Variants in RP1 observed in about 807,000 individuals in gnomAD.
RP1 encodes the protein oxygen-regulated protein 1.
Under a neutral mutation model 14.8 loss-of-function variants are expected in RP1, and 16 were observed. The ratio of observed to expected loss-of-function variants is 1.08; its 90% CI spans 0.73 to 1.65. The LOEUF is 1.65. Among genes scored for constraint, RP1 ranks in the 40% most tolerant of loss-of-function variants. The probability of loss-of-function intolerance (pLI) is 0.00; values close to 1 mark genes in which losing one functional copy is unlikely to be tolerated. For missense variants in RP1, 2,631 were observed against 2,535.0 expected (o/e 1.04, Z -0.81); for synonymous variants, 876 against 883.6 (o/e 0.99, Z 0.15).
chr8:54,783,624 T>C, exon 24 of RP1: 1 of 1,231,444 alleles, frequency 8.1e-7, no homozygotes, highest in Non-Finnish European at 1.0e-6. Context: ...CCTTTATGTC[T>C]ATGGAGAAAC....
At position 54,865,510 on chromosome 8, in the gene RP1, T is replaced by C. The variant is rs1237344179; in HGVS notation, c.4070-325T>C. Among the ~76,000 whole-genome samples the C allele has an allele frequency of 3.9e-5, 6 of 152,204 alleles. 1 individual carries two copies. The highest frequency in any genetic ancestry group is 3.9e-4 in the Admixed American group (6 of 15,274). On this transcript the variant is annotated intron_variant, in intron 27 of 28. Coordinates refer to the RP1 transcript ENST00000637698. ...CCATTACTATTTAAACTTATAAATCTTCTATGACTTAACATAACTGAAATG... is the reference window on the plus strand; with the variant it reads ...CCATTACTATTTAAACTTATAAATCCTCTATGACTTAACATAACTGAAATG...
At chr8:54,723,960 A>T (rs1309905493) in intron 16 of RP1, among the ~76,000 whole-genome samples, 1 of 152,092 alleles carries the variant, frequency 6.6e-6, no homozygotes, top group East Asian at 1.9e-4. Flanking sequence ...AAATCATGAG[A>T]CTCTGGCTAT....
intron 1 of RP1, among the ~76,000 whole-genome samples, chr8:54,576,556 C>T (rs1418883774): frequency 1.3e-5 from 2 of 152,186 alleles, no homozygotes; most frequent in African/African-American, 2.4e-5. Context: ...AGTCATGTAA[C>T]GTGGATGATG....
intron 16 of RP1, among the ~76,000 whole-genome samples, chr8:54,725,060 G>A (rs1327780829): frequency 6.6e-6 from 1 of 152,084 alleles, no homozygotes; most frequent in African/African-American, 2.4e-5. Context: ...ATGTTTATGT[G>A]GTCTCTCTCT....
At chr8:54,711,640 C>A (rs543647774) in intron 15 of RP1, among the ~76,000 whole-genome samples, 5 of 152,320 alleles carry the variant, frequency 3.3e-5, no homozygotes, top group African/African-American at 1.2e-4. Context: ...GGAAAGCAAA[C>A]ACCTGCAGCA....
At chr8:54,785,472 T>C (rs1227801086) in intron 24 of RP1, among the ~76,000 whole-genome samples, 1 of 150,074 alleles carries the variant, frequency 6.7e-6, no homozygotes, top group Non-Finnish European at 1.5e-5. Flanking sequence ...AATGCAGCTA[T>C]GAACATCTAT....
At chr8:54,663,928 T>C in intron 7 of RP1, 2 of 1,297,232 alleles carry the variant, frequency 1.5e-6, no homozygotes. Flanking sequence ...GTTGTAACTA[T>C]TCTAAGAGTT....
intron 1 of RP1, among the ~76,000 whole-genome samples, chr8:54,604,560 G>A (rs2129306525): frequency 6.6e-6 from 1 of 152,296 alleles, no homozygotes; most frequent in African/African-American, 2.4e-5. Flanking sequence ...CATAAAATGA[G>A]TTAGGGAGGA....
intron 1 of RP1, among the ~76,000 whole-genome samples, chr8:54,582,406 C>G (rs1168147942): frequency 1.3e-5 from 2 of 151,802 alleles, no homozygotes; most frequent in Non-Finnish European, 2.9e-5. Flanking sequence ...GTTACTGTAG[C>G]CTTGTAGTAT....
intron 8 of RP1, among the ~76,000 whole-genome samples, chr8:54,676,413 C>T (rs1032641153): frequency 2.0e-5 from 3 of 152,090 alleles, no homozygotes; most frequent in Non-Finnish European, 4.4e-5. Context: ...GTTACATGAC[C>T]CCCACTTGAA....
intron 1 of RP1, among the ~76,000 whole-genome samples, chr8:54,571,196 C>T (rs1804513547): frequency 6.6e-6 from 1 of 152,218 alleles, no homozygotes; most frequent in Non-Finnish European, 1.5e-5. Context: ...TAAATCCTTG[C>T]CTCCATTCCC....
chr8:54,759,514 A>G (rs538739395), intron 22 of RP1, among the ~76,000 whole-genome samples: 111 of 152,272 alleles, frequency 7.3e-4, no homozygotes, highest in African/African-American at 2.6e-3. Context: ...GGTAAGTTGG[A>G]CTTTCCTTGA....
Position 54,628,332 on chromosome 8 carries a change from A to G in RP1, c.4450A>G (p.Asn1484Asp). The G allele has an allele frequency of 6.2e-7, 1 of 1,613,874 alleles. No individual in the cohort carries two copies. Among genetic ancestry groups the G allele is most frequent in the Non-Finnish European group, 8.5e-7 (1 of 1,179,912 alleles). The change falls in exon 4 of 4, where the codon AAT becomes GAT. Residue 1484 changes from asparagine to aspartate, a missense_variant. By Grantham distance (23) the Asn-to-Asp change is conservative. Coordinates refer to ENST00000220676, the MANE Select transcript of RP1 (RefSeq NM_006269.2). ...HDTDIFNTVVNGGEQATEELI... is the reference protein window; with the variant it reads ...HDTDIFNTVVDGGEQATEELI... ...CACTGATATCTTTAATACAGTGGTAAATGGAGGAGAGCAAGCCACTGAAGA... is the reference window on the plus strand; with the variant it reads ...CACTGATATCTTTAATACAGTGGTAGATGGAGGAGAGCAAGCCACTGAAGA...
chr8:54,643,284 C>T (rs1334906074), intron 3 of RP1, among the ~76,000 whole-genome samples: 2 of 152,144 alleles, frequency 1.3e-5, no homozygotes, highest in Admixed American at 6.5e-5. Flanking sequence ...GTTGTGTTCA[C>T]CTGTATAATT....
intron 16 of RP1, among the ~76,000 whole-genome samples, chr8:54,724,504 T>C (rs1411108640): frequency 1.3e-5 from 2 of 152,204 alleles, no homozygotes; most frequent in African/African-American, 2.4e-5. Context: ...TGATAACATC[T>C]CTACCTAGAC....
chr8:54,587,758 G>A (rs1804963986), intron 1 of RP1, among the ~76,000 whole-genome samples: 1 of 152,232 alleles, frequency 6.6e-6, no homozygotes, highest in East Asian at 1.9e-4. Flanking sequence ...ACAGGGACAT[G>A]AGCAAGGTGA....
intron 1 of RP1, among the ~76,000 whole-genome samples, chr8:54,591,267 C>A (rs1003793075): frequency 2.6e-5 from 4 of 152,158 alleles, no homozygotes; most frequent in African/African-American, 9.7e-5. Flanking sequence ...AAAATCTGGC[C>A]TCTTCCTATT....
intron 24 of RP1, among the ~76,000 whole-genome samples, chr8:54,793,926 A>G (rs1301448509): frequency 6.6e-6 from 1 of 151,924 alleles, no homozygotes; most frequent in Admixed American, 6.6e-5. Context: ...AAATTCTAAA[A>G]ATTCCACCAA....
chr8:54,796,950 TA>T (rs1563379158), intron 24 of RP1, among the ~76,000 whole-genome samples: 1 of 152,094 alleles, frequency 6.6e-6, no homozygotes, highest in Non-Finnish European at 1.5e-5. Context: ...TGCTGAGAGA[TA>T]TTATAGGGAA....
Sources: allele counts gnomAD v4.1 joint callset (sites outside exome capture counted in the v4.1 genomes callset), GRCh38; gene constraint gnomAD v4.1.1; transcripts MANE v1.5; gene names NCBI Gene and HGNC (gene_info 2026-07-23, HGNC 2026-07-21).